Variants in DSCAM observed in about 807,000 individuals in gnomAD.
DSCAM encodes the protein DS cell adhesion molecule.
DSCAM carries 47 observed loss-of-function variants against 217.7 expected under a neutral mutation model. The observed-to-expected ratio is 0.22, with a 90% CI of 0.17 to 0.28. DSCAM has a LOEUF of 0.28. DSCAM is among the 10% of genes least tolerant of loss of function. The pLI, the probability that DSCAM is intolerant of heterozygous loss-of-function variation, is 1.00. For synonymous variants in DSCAM, 1,056 were observed against 1,015.3 expected, an observed-to-expected ratio of 1.04 and a Z score of -0.76; for missense variants, 2,080 against 2,618.3, an observed-to-expected ratio of 0.79 and a Z score of 4.49.
chr21:40,115,130 C>T (rs972388272), intron 20 of DSCAM, among the ~76,000 whole-genome samples: 5 of 152,084 alleles, frequency 3.3e-5, no homozygotes, highest in African/African-American at 1.2e-4. Context: ...TTTACTGTGG[C>T]ACTATTCACA....
chr21:40,821,091 G>T (rs752911489), intron 1 of DSCAM, among the ~76,000 whole-genome samples: 25 of 66,230 alleles, frequency 3.8e-4, no homozygotes, highest in Non-Finnish European at 6.5e-4. Context: ...CACATATATA[G>T]AGAGATATAT....
chr21:40,472,075 C>A (rs1569137450), intron 3 of DSCAM, among the ~76,000 whole-genome samples: 1 of 152,134 alleles, frequency 6.6e-6, no homozygotes, highest in Non-Finnish European at 1.5e-5. Flanking sequence ...GAGATATAGA[C>A]CAATGGCACA....
intron 1 of DSCAM, among the ~76,000 whole-genome samples, chr21:40,715,859 A>C (rs2090836375): frequency 6.6e-6 from 1 of 152,210 alleles, no homozygotes; most frequent in South Asian, 2.1e-4. Context: ...TGAACTAAGC[A>C]AAATTTGGTC....
intron 3 of DSCAM, among the ~76,000 whole-genome samples, chr21:40,688,069 A>C (rs1165133875): frequency 6.6e-6 from 1 of 152,254 alleles, no homozygotes; most frequent in Non-Finnish European, 1.5e-5. Context: ...AATGATCCTA[A>C]GAGGTAAAAT....
At chr21:40,479,836 T>C (rs1268395713) in intron 3 of DSCAM, among the ~76,000 whole-genome samples, 2 of 152,196 alleles carry the variant, frequency 1.3e-5, no homozygotes, top group Non-Finnish European at 2.9e-5. Flanking sequence ...ATGAATATCC[T>C]AGCAGTGAAG....
intron 3 of DSCAM, among the ~76,000 whole-genome samples, chr21:40,493,698 C>T (rs2076094064): frequency 6.6e-6 from 1 of 151,340 alleles, no homozygotes; most frequent in African/African-American, 2.4e-5. Flanking sequence ...CCTGTTTCTA[C>T]TAAAAATACA....
rs202146090 is a variant in DSCAM at position 40,563,654 on chromosome 21, TTA to T, written c.508+129154_508+129155del. ...TATATGTGTATATATAGTTATATGT[TTA>T]TGTTTGTTTATATATATGTTTATAT... On this transcript the variant is annotated intron_variant, in intron 3 of 32. Coordinates refer to ENST00000400454, the MANE Select transcript of DSCAM (RefSeq NM_001389.5). 4.7e-4 allele frequency among the ~76,000 whole-genome samples: 66 copies of T among 140,260 alleles called. 1 individual carries two copies. Among genetic ancestry groups the T allele is most frequent in the Admixed American group, 1.1e-3 (15 of 14,138 alleles). The allele number at this position is 140,260 out of a possible 152,430, so 92.0% of individuals were successfully genotyped here. A position where few individuals can be genotyped will look rare whatever the true frequency, so the allele number is the denominator to read the frequency against.
chr21:40,536,628 G>C (rs188590323), intron 3 of DSCAM, among the ~76,000 whole-genome samples: 2 of 152,004 alleles, frequency 1.3e-5, no homozygotes, highest in Non-Finnish European at 2.9e-5. Context: ...GGATGGTCTC[G>C]ATCTCCTGAC....
chr21:40,797,217 A>C (rs2091699307), intron 1 of DSCAM, among the ~76,000 whole-genome samples: 1 of 152,172 alleles, frequency 6.6e-6, no homozygotes, highest in Non-Finnish European at 1.5e-5. Flanking sequence ...CCTTTTGATG[A>C]GTGACATTGA....
At chr21:40,732,924 G>C (rs1006655355) in intron 1 of DSCAM, among the ~76,000 whole-genome samples, 1 of 152,188 alleles carries the variant, frequency 6.6e-6, no homozygotes, top group African/African-American at 2.4e-5. Context: ...AGATCCATGT[G>C]ATTGGCAGGT....
At position 40,083,965 on chromosome 21, in the gene DSCAM, A is replaced by T; in HGVS notation, c.4174T>A (p.Ser1392Thr). The change falls in exon 24 of 33, where the codon TCT becomes ACT. Residue 1392 changes from serine to threonine, a missense_variant. Around this residue, in one of 5 missense-constraint regions of DSCAM, gnomAD observed 1,144 missense variants for 1,421.1 expected, o/e 0.81. Coordinates refer to ENST00000400454, the MANE Select transcript of DSCAM (RefSeq NM_001389.5). ...QPRLTVSKTT[S>T]SSITLSWLPG... is the part of the protein sequence containing the mutation. ...AGCCAAGAAAGGGTGATGGAGGAAG[A>T]CGTGGTCTTGGAGACTGTAAGCCGA... 1 of 1,613,896 alleles carries T rather than the reference A, an allele frequency of 6.2e-7. No individual in the cohort carries two copies. Among genetic ancestry groups the T allele is most frequent in the Non-Finnish European group, 8.5e-7 (1 of 1,179,912 alleles).
At chr21:40,468,025 C>T (rs2075859332) in intron 3 of DSCAM, among the ~76,000 whole-genome samples, 1 of 150,670 alleles carries the variant, frequency 6.6e-6, no homozygotes, top group Non-Finnish European at 1.5e-5. Flanking sequence ...TAAAATAGTT[C>T]TGTTGCATTT....
At chr21:40,017,053 T>C (rs2088170986) in intron 32 of DSCAM, among the ~76,000 whole-genome samples, 1 of 150,616 alleles carries the variant, frequency 6.6e-6, no homozygotes, top group Non-Finnish European at 1.5e-5. Context: ...GCATTGGAGG[T>C]TGCTGCACGA....
At chr21:40,234,171 G>A (rs887677682) in intron 11 of DSCAM, among the ~76,000 whole-genome samples, 1 of 152,172 alleles carries the variant, frequency 6.6e-6, no homozygotes, top group African/African-American at 2.4e-5. Context: ...TACTCTTGAG[G>A]CATGGAATTA....
intron 3 of DSCAM, among the ~76,000 whole-genome samples, chr21:40,648,263 A>ACACACACACACC (rs1555876103): frequency 4.0e-5 from 6 of 148,890 alleles, no homozygotes; most frequent in African/African-American, 1.5e-4. Flanking sequence ...ACACACACAC[A>ACACACACACACC]CACACACACA....
At chr21:40,784,696 T>G (rs1314041050) in intron 1 of DSCAM, among the ~76,000 whole-genome samples, 1 of 152,194 alleles carries the variant, frequency 6.6e-6, no homozygotes, top group African/African-American at 2.4e-5. Context: ...ATTAGTACCC[T>G]GATAGAATTG....
At chr21:40,501,954 A>G (rs1260880877) in intron 3 of DSCAM, among the ~76,000 whole-genome samples, 7 of 152,174 alleles carry the variant, frequency 4.6e-5, no homozygotes, top group Non-Finnish European at 1.0e-4. Context: ...TGAATTGTAT[A>G]TATCTTGAAG....
intron 3 of DSCAM, among the ~76,000 whole-genome samples, chr21:40,405,790 A>G (rs530762351): frequency 6.6e-6 from 1 of 152,174 alleles, no homozygotes; most frequent in South Asian, 2.1e-4. Context: ...TGAGGTCAGG[A>G]GTTCAAGACC....
chr21:40,660,141 G>A (rs1343277894), intron 3 of DSCAM, among the ~76,000 whole-genome samples: 1 of 152,180 alleles, frequency 6.6e-6, no homozygotes, highest in Non-Finnish European at 1.5e-5. Context: ...AACTCCTGAA[G>A]TTACATAGAA....
Sources: allele counts gnomAD v4.1 joint callset (sites outside exome capture counted in the v4.1 genomes callset), GRCh38; gene constraint gnomAD v4.1.1; regional missense constraint gnomAD v4.1.1; transcripts MANE v1.5; gene names NCBI Gene and HGNC (gene_info 2026-07-23, HGNC 2026-07-21).